The following SNRPN variants were observed in gnomAD, a reference collection of about 807,000 sequenced individuals.
SNRPN encodes the protein small nuclear ribonucleoprotein-associated protein N.
Under a neutral mutation model 25.2 loss-of-function variants are expected in SNRPN, and 7 were observed. The observed-to-expected ratio is 0.28, with a 90% CI of 0.16 to 0.52. The LOEUF is 0.52. SNRPN is among the 20% of genes least tolerant of loss of function. The pLI, the probability that SNRPN is intolerant of heterozygous loss-of-function variation, is 0.96. For synonymous variants in SNRPN, 124 were observed against 110.6 expected, an observed-to-expected ratio of 1.12 and a Z score of -0.76; for missense variants, 196 against 322.5, an observed-to-expected ratio of 0.61 and a Z score of 3.00.
intron 1 of SNRPN, among the ~76,000 whole-genome samples, chr15:24,960,822 GTAGA>G (rs1303795208): frequency 2.0e-5 from 3 of 152,148 alleles, no homozygotes; most frequent in African/African-American, 7.2e-5. Flanking sequence ...TACAAAAGCT[GTAGA>G]TAGTTAATGT....
In SNRPN at chr15:24,872,871, CAAAA is replaced by C. The variant is rs202062268; in HGVS notation, c.-578-13623_-578-13620del. The stretch of plus-strand genomic sequence containing the variant: ...TGGGTGACAGAGCGAGACTCCGTCT[CAAAA>C]AAAAAAAAAAAAAAAAAAAAATAGT... On this transcript the variant is annotated intron_variant, in intron 1 of 11. Coordinates refer to the SNRPN transcript ENST00000400097. Among the ~76,000 whole-genome samples the C allele has an allele frequency of 2.7e-4, 16 of 59,352 alleles. 1 individual carries two copies. The highest frequency in any genetic ancestry group is 8.2e-4 in the African/African-American group (14 of 17,036). 38.9% of individuals were successfully genotyped at this position (59,352 alleles called of 152,430 possible). A position where few individuals can be genotyped will look rare whatever the true frequency, so the allele number is the denominator to read the frequency against.
intron 2 of SNRPN, among the ~76,000 whole-genome samples, chr15:24,906,594 C>T (rs1312197278): frequency 2.0e-5 from 3 of 152,174 alleles, no homozygotes; most frequent in Non-Finnish European, 2.9e-5. Context: ...GAATTTATGA[C>T]CTACTTTCCG....
chr15:24,899,150 G>A (rs2058277348), intron 2 of SNRPN, among the ~76,000 whole-genome samples: 1 of 152,100 alleles, frequency 6.6e-6, no homozygotes. Context: ...AGACATCCAG[G>A]CCCTGCCTCA....
intron 1 of SNRPN, among the ~76,000 whole-genome samples, chr15:24,863,512 C>T (rs2054214287): frequency 6.6e-6 from 1 of 150,588 alleles, no homozygotes; most frequent in African/African-American, 2.5e-5. Flanking sequence ...TTACAAAATC[C>T]TCATGAATTT....
At chr15:24,846,682 C>T (rs2052229769) in intron 2 of SNRPN, among the ~76,000 whole-genome samples, 1 of 152,162 alleles carries the variant, frequency 6.6e-6, no homozygotes, top group Non-Finnish European at 1.5e-5. Context: ...GGTGTGTCTA[C>T]AAGTCAACAT....
At position 24,929,601 on chromosome 15, in the gene SNRPN, G is replaced by A. The variant is rs1475615685; in HGVS notation, c.-391+9477G>A. Among the ~76,000 whole-genome samples the A allele has an allele frequency of 6.6e-6, 1 of 151,966 alleles. No homozygotes were observed. Among genetic ancestry groups the A allele is most frequent in the Non-Finnish European group, 1.5e-5 (1 of 68,008 alleles). ...CAGACTGTCTCCTTGAGTTCTGGGT[G>A]GCAGAAATGGCCCAGGGCCCTGGGC... On this transcript the variant is annotated intron_variant, in intron 3 of 11. Coordinates refer to the SNRPN transcript ENST00000400097. This position sits in a 1 kb window ranked among gnomAD's most constrained non-coding sequence, Gnocchi z 5.3.
chr15:24,901,910 T>A (rs757586831), intron 2 of SNRPN, among the ~76,000 whole-genome samples: 3 of 151,746 alleles, frequency 2.0e-5, no homozygotes, highest in Non-Finnish European at 2.9e-5. Flanking sequence ...GTTCATAGAG[T>A]TGTAAATGGG....
At chr15:24,976,843 G>A (rs2077120023) in intron 6 of SNRPN, 34 bp from the exon 7 acceptor site, 3 of 1,591,890 alleles carry the variant, frequency 1.9e-6, no homozygotes, top group Non-Finnish European at 2.6e-6. Flanking sequence ...CTTGTAAATT[G>A]TTTGATTTTA....
chr15:24,918,634 CATA>C (rs1436233666), intron 2 of SNRPN, among the ~76,000 whole-genome samples: 1 of 81,584 alleles, frequency 1.2e-5, no homozygotes, highest in African/African-American at 5.0e-5. Flanking sequence ...GTATATATAA[CATA>C]ATATATATGT....
upstream of SNRPN, among the ~76,000 whole-genome samples, chr15:24,951,990 G>T (rs893944959): frequency 6.6e-6 from 1 of 151,970 alleles, no homozygotes; most frequent in Admixed American, 6.6e-5. Flanking sequence ...TTTGTTTTAG[G>T]TGTCATATCT....
chr15:24,892,762 A>G (rs953299421), intron 2 of SNRPN, among the ~76,000 whole-genome samples: 1 of 131,778 alleles, frequency 7.6e-6, no homozygotes, highest in African/African-American at 3.0e-5. Context: ...AAATAAATAA[A>G]TATCCTTAGC....
chr15:24,884,034 G>A (rs1428262247), intron 1 of SNRPN, among the ~76,000 whole-genome samples: 1 of 150,404 alleles, frequency 6.6e-6, no homozygotes, highest in Non-Finnish European at 1.5e-5. Context: ...ATGTAGGGCT[G>A]GGCATGGTGG....
intron 2 of SNRPN, 84 bp from the exon 3 acceptor site, chr15:24,967,848 A>G: frequency 1.9e-6 from 2 of 1,060,374 alleles, no homozygotes; most frequent in Non-Finnish European, 1.4e-6. Context: ...TCTTAAATGT[A>G]AGGGTACCTA....
intron 3 of SNRPN, 106 bp downstream of exon 3, chr15:24,968,188 T>A: frequency 1.4e-6 from 1 of 723,682 alleles, no homozygotes. Flanking sequence ...CCTTAGAGCT[T>A]CATACAATAA....
intron 2 of SNRPN, among the ~76,000 whole-genome samples, chr15:24,886,803 T>A (rs1283117464): frequency 6.6e-6 from 1 of 152,238 alleles, no homozygotes; most frequent in African/African-American, 2.4e-5. Flanking sequence ...ATTAAAATTA[T>A]CATTCATTTT....
At chr15:24,920,176 GCATGCA>G in intron 3 of SNRPN, 1 of 151,992 alleles carries the variant, frequency 6.6e-6, no homozygotes, top group Non-Finnish European at 1.5e-5. Context: ...CCTTCCACTT[GCATGCA>G]CATCCTGTCT....
intron 1 of SNRPN, among the ~76,000 whole-genome samples, chr15:24,956,485 C>A (rs2062923373): frequency 6.6e-6 from 1 of 152,250 alleles, no homozygotes; most frequent in African/African-American, 2.4e-5. Flanking sequence ...AGGAAGCCGG[C>A]CAAGGTGGGC....
chr15:24,879,232 C>T (rs1250564132), intron 1 of SNRPN, among the ~76,000 whole-genome samples: 1 of 151,868 alleles, frequency 6.6e-6, no homozygotes. Context: ...CTCGGGGGTT[C>T]GAGACCAGCC....
At chr15:24,897,176 C>T (rs746356688) in intron 2 of SNRPN, among the ~76,000 whole-genome samples, 10 of 151,982 alleles carry the variant, frequency 6.6e-5, no homozygotes, top group South Asian at 2.1e-4. Flanking sequence ...AAAACAAAAA[C>T]GTAATACAGG....
Sources: gnomAD v4.1 joint callset for allele counts (sites outside exome capture counted in the v4.1 genomes callset) on GRCh38, gnomAD v4.1.1 for gene constraint, Gnocchi (gnomAD v3.1) non-coding constraint, MANE v1.5 for transcripts, NCBI Gene and HGNC (gene_info 2026-07-23, HGNC 2026-07-21) for gene names.